LGMN: variants seen among roughly 807,000 people sequenced by gnomAD.
LGMN encodes legumain, also known as asparaginyl endopeptidase.
A neutral mutation model predicts 56.8 loss-of-function variants in LGMN; 36 were observed. The observed-to-expected ratio is 0.63, with a 90% confidence interval of 0.49 to 0.84. LGMN has a LOEUF of 0.84. LGMN is among the 40% of genes least tolerant of loss of function. LGMN has a pLI of 0.00. For missense variants in LGMN, 446 were observed against 556.1 expected, an observed-to-expected ratio of 0.80 and a Z score of 1.99; for synonymous variants, 199 against 210.1, an observed-to-expected ratio of 0.95 and a Z score of 0.46.
intron 2 of LGMN, among the ~76,000 whole-genome samples, chr14:92,721,772 A>C (rs1449492638): frequency 6.6e-6 from 1 of 152,220 alleles, no homozygotes; most frequent in Non-Finnish European, 1.5e-5. Flanking sequence ...AATTGTCATA[A>C]GTTCACATAA....
intron 2 of LGMN, among the ~76,000 whole-genome samples, chr14:92,719,227 A>C (rs1400327701): frequency 3.2e-5 from 2 of 63,276 alleles, no homozygotes; most frequent in Non-Finnish European, 5.5e-5. Flanking sequence ...CAACACCACC[A>C]CCGCCACCGC....
intron 2 of LGMN, among the ~76,000 whole-genome samples, chr14:92,724,879 C>T (rs1388102595): frequency 6.6e-6 from 1 of 152,196 alleles, no homozygotes; most frequent in Non-Finnish European, 1.5e-5. Flanking sequence ...TGTAAAGGGT[C>T]CGCTCTCCAG....
At chr14:92,719,351 C>T (rs961211035) in intron 2 of LGMN, among the ~76,000 whole-genome samples, 2 of 141,372 alleles carry the variant, frequency 1.4e-5, no homozygotes, top group South Asian at 4.4e-4. Flanking sequence ...ACCGCCACCA[C>T]CACCAACACC....
chr14:92,712,839 C>T lies in LGMN; in HGVS notation c.576G>A (p.Gly192=), dbSNP rs140667274. Residue 192 remains glycine (G), a synonymous_variant, in exon 8 of 14, where the codon GGG becomes GGA. Transcript: ENST00000334869. ...TATCCGGCAGGTGGTTCATCATGGA[C>T]CCAGACTCACAGGCTTCAATGTAGA... ...MVFYIEACES[G]SMMNHLPDNI... The T allele has an allele frequency of 2.8e-4, 457 of 1,613,906 alleles. No homozygotes were observed. The highest frequency in any genetic ancestry group is 3.7e-4 in the Non-Finnish European group (441 of 1,179,998).
At position 92,704,478 on chromosome 14, in the gene LGMN, A is replaced by G. The variant is rs1461842844; in HGVS notation, c.1260-117T>C. On this transcript the variant is annotated intron_variant, in intron 13 of 13. Coordinates refer to ENST00000334869, the MANE Select transcript of LGMN (RefSeq NM_005606.7). The stretch of plus-strand genomic sequence containing the variant: ...ATGACAGGCCCGCCCAGCAGCTGTC[A>G]CTGAGAACGTGGCTTCTGGACCCTG... The G allele has an allele frequency of 7.6e-6, 8 of 1,054,124 alleles. No individual in the cohort carries two copies. The Admixed American group carries it at 1.5e-4, about 19-fold the overall frequency. The allele number at this position is 1,054,124 out of a possible 1,614,324, so 65.3% of individuals were successfully genotyped here. A position where few individuals can be genotyped will look rare whatever the true frequency, so the allele number is the denominator to read the frequency against.
intron 2 of LGMN, among the ~76,000 whole-genome samples, chr14:92,730,849 G>A (rs1444129867): frequency 6.6e-6 from 1 of 151,358 alleles, no homozygotes; most frequent in Non-Finnish European, 1.5e-5. Flanking sequence ...AGAATAGCTT[G>A]AACTTGGGAG....
intron 2 of LGMN, among the ~76,000 whole-genome samples, chr14:92,720,901 G>GTT (rs148650096): frequency 1.3e-5 from 2 of 150,300 alleles, no homozygotes; most frequent in African/African-American, 4.9e-5. Flanking sequence ...TTTTGTTTTT[G>GTT]TTTTTTTTTG....
At chr14:92,706,779 G>T in intron 11 of LGMN, 126 bp from the exon 12 acceptor site, 2 of 831,730 alleles carry the variant, frequency 2.4e-6, no homozygotes, top group South Asian at 3.4e-5. Flanking sequence ...CAGGTTAGAG[G>T]AAATAACAAT....
At position 92,716,148 on chromosome 14, in the gene LGMN, T is replaced by C; in HGVS notation, c.392A>G (p.Lys131Arg). 1 of 1,611,478 alleles carries C rather than the reference T, an allele frequency of 6.2e-7. No homozygotes were observed. Among genetic ancestry groups the C allele is most frequent in the Non-Finnish European group, 8.5e-7 (1 of 1,178,294 alleles). ...AAACAGACATTACCTCTTCAGGACT[T>C]TGCCGGATCCTATGCCCTTCACTGC... Reference protein sequence around the residue: ...AEAVKGIGSGKVLKSGPQDHV... With the variant: ...AEAVKGIGSGRVLKSGPQDHV... The change falls in exon 5 of 14, where the codon AAA (lysine) becomes AGA (arginine). Residue 131 changes from lysine to arginine, a missense_variant. By Grantham distance (26) the Lys-to-Arg change is conservative. Transcript: ENST00000334869.
In LGMN at chr14:92,732,713, T is replaced by C. The variant is rs1464227579; in HGVS notation, c.74A>G (p.Asp25Gly). The change falls in exon 2 of 14, where the codon GAT becomes GGT. Residue 25 changes from aspartate (D) to glycine (G), a missense_variant. By Grantham distance (94) the Asp-to-Gly change is moderately conservative. Transcript: ENST00000334869. ...IGAVPIDDPE[D>G]GGKHWVVIVA... ...GATCACCACCCAGTGCTTGCCTCCA[T>C]CTTCAGGATCATCTATAGGAACGGC... 1.2e-6 allele frequency: 2 copies of C among 1,614,134 alleles called. No homozygotes were observed. The highest frequency in any genetic ancestry group is 1.7e-6 in the Non-Finnish European group (2 of 1,180,016).
At chr14:92,715,592 T>C (rs1890033141) in intron 5 of LGMN, among the ~76,000 whole-genome samples, 1 of 152,206 alleles carries the variant, frequency 6.6e-6, no homozygotes, top group South Asian at 2.1e-4. Flanking sequence ...CTAGAATCTC[T>C]GGCATCACAT....
In LGMN at chr14:92,731,641, G is replaced by A. The variant is rs181803941; in HGVS notation, c.138+1008C>T. 8.5e-5 allele frequency among the ~76,000 whole-genome samples: 13 copies of A among 152,208 alleles called. No homozygotes were observed. In the East Asian group the frequency reaches 9.6e-4, roughly 11 times the overall value. On this transcript the variant is annotated intron_variant, in intron 2 of 13. Transcript: ENST00000334869. The stretch of plus-strand genomic sequence containing the variant: ...GTGTGAGTACTTCTTCCTTTCTTAC[G>A]GTCAAATAATATCTTCTTACATGAA...
chr14:92,718,992 A>C, intron 2 of LGMN, 148 bp from the exon 3 acceptor site: 1 of 581,126 alleles, frequency 1.7e-6, no homozygotes, highest in East Asian at 2.8e-5. Context: ...AAACACATAC[A>C]TTGATATTTT....
intron 12 of LGMN, among the ~76,000 whole-genome samples, chr14:92,705,476 T>A (rs1848441280): frequency 2.0e-5 from 3 of 151,484 alleles, no homozygotes; most frequent in Admixed American, 2.0e-4. Context: ...CACTCTAGCC[T>A]GGGCAACAAG....
chr14:92,731,584 C>G (rs937932506), intron 2 of LGMN, among the ~76,000 whole-genome samples: 1 of 152,218 alleles, frequency 6.6e-6, no homozygotes, highest in Non-Finnish European at 1.5e-5. Context: ...AGCTCCTTAG[C>G]ATGTTTGTAA....
intron 1 of LGMN, among the ~76,000 whole-genome samples, chr14:92,742,130 A>G (rs1891582026): frequency 6.6e-6 from 1 of 151,442 alleles, no homozygotes; most frequent in South Asian, 2.1e-4. Flanking sequence ...ACCTTAGTAT[A>G]CTGAATATTT....
chr14:92,725,393 A>C (rs1890690950), intron 2 of LGMN, among the ~76,000 whole-genome samples: 1 of 151,732 alleles, frequency 6.6e-6, no homozygotes, highest in South Asian at 2.1e-4. Flanking sequence ...TATAAAAAAA[A>C]ATTTTTAACT....
At chr14:92,717,827 T>C (rs1047982237) in intron 3 of LGMN, among the ~76,000 whole-genome samples, 2 of 152,180 alleles carry the variant, frequency 1.3e-5, no homozygotes, top group African/African-American at 4.8e-5. Flanking sequence ...AGAACAAGAC[T>C]TTAATACAAG....
chr14:92,719,263 ACCG>A (rs1187585709), intron 2 of LGMN, among the ~76,000 whole-genome samples: 2 of 65,134 alleles, frequency 3.1e-5, no homozygotes, highest in African/African-American at 1.3e-4. Flanking sequence ...CACCACCGCC[ACCG>A]CCGCCGCCGC....
Sources: gnomAD v4.1 joint callset for allele counts (sites outside exome capture counted in the v4.1 genomes callset) on GRCh38, gnomAD v4.1.1 for gene constraint, MANE v1.5 for transcripts, NCBI Gene and HGNC (gene_info 2026-07-23, HGNC 2026-07-21) for gene names.